The following NRXN3 variants were observed in gnomAD, a reference collection of about 807,000 sequenced individuals.
NRXN3 encodes the protein neurexin III.
Under a neutral mutation model 137.6 loss-of-function variants are expected in NRXN3, and 32 were observed. That is an observed-to-expected ratio of 0.23 (90% CI 0.18 to 0.31). The LOEUF is 0.31. Among genes scored for constraint, NRXN3 ranks in the 10% least tolerant of loss-of-function variants. The pLI is 1.00. For missense variants in NRXN3, 1,574 were observed against 2,062.5 expected, an observed-to-expected ratio of 0.76 and a Z score of 4.59; for synonymous variants, 798 against 784.5, an observed-to-expected ratio of 1.02 and a Z score of -0.29.
chr14:79,537,726 A>G (rs984214805), intron 16 of NRXN3, among the ~76,000 whole-genome samples: 1 of 152,134 alleles, frequency 6.6e-6, no homozygotes, highest in African/African-American at 2.4e-5. Flanking sequence ...AGTCTTTGCT[A>G]TTGTGAATAG....
chr14:79,545,050 G>T (rs2097306626), intron 16 of NRXN3, among the ~76,000 whole-genome samples: 1 of 152,192 alleles, frequency 6.6e-6, no homozygotes, highest in African/African-American at 2.4e-5. Context: ...AGGAGCTGTT[G>T]CTTATTTGAC....
At chr14:79,136,050 G>A (rs746916080) in intron 15 of NRXN3, among the ~76,000 whole-genome samples, 9 of 152,122 alleles carry the variant, frequency 5.9e-5, no homozygotes, top group Admixed American at 1.3e-4. Flanking sequence ...ACCAACTGCT[G>A]TCCAGAGTTA....
chr14:78,541,035 C>T (rs2096584366), intron 4 of NRXN3, among the ~76,000 whole-genome samples: 2 of 152,194 alleles, frequency 1.3e-5, no homozygotes, highest in South Asian at 4.2e-4. Flanking sequence ...GCTTTTCTCT[C>T]TGGCTACCCT....
At chr14:79,679,425 G>T (rs2098658040) in intron 17 of NRXN3, among the ~76,000 whole-genome samples, 1 of 152,154 alleles carries the variant, frequency 6.6e-6, no homozygotes, top group Non-Finnish European at 1.5e-5. Context: ...AAGAGGCATT[G>T]TTATTTTATG....
At chr14:79,291,075 T>C (rs1426933373) in intron 15 of NRXN3, among the ~76,000 whole-genome samples, 2 of 152,200 alleles carry the variant, frequency 1.3e-5, no homozygotes, top group African/African-American at 4.8e-5. Context: ...TTATTGTTTA[T>C]TTTTTCCAGG....
chr14:78,509,339 T>C (rs539443372), intron 4 of NRXN3, among the ~76,000 whole-genome samples: 1 of 152,232 alleles, frequency 6.6e-6, no homozygotes, highest in Admixed American at 6.5e-5. Context: ...CTCTGAGTTC[T>C]CATCTACTGG....
intron 4 of NRXN3, among the ~76,000 whole-genome samples, chr14:78,471,881 T>G (rs936920071): frequency 2.6e-5 from 4 of 152,224 alleles, no homozygotes; most frequent in African/African-American, 9.6e-5. Flanking sequence ...TGAACTGGGC[T>G]GCACCACAAA....
chr14:78,368,755 A>G (rs2086376905), intron 4 of NRXN3, among the ~76,000 whole-genome samples: 1 of 152,156 alleles, frequency 6.6e-6, no homozygotes, highest in African/African-American at 2.4e-5. Context: ...GCCACATGCT[A>G]TGGATTTAGA....
chr14:79,788,977 G>T lies in NRXN3; in HGVS notation c.4015-16135G>T, dbSNP rs181763763. The stretch of plus-strand genomic sequence containing the variant: ...ATAAAGTTATGAACTTAATACCCTT[G>T]TTCAGAGAATTGAAAACATTTAATA... On this transcript the variant is annotated intron_variant, in intron 19 of 20. Transcript: ENST00000335750. Among the ~76,000 whole-genome samples, 164 of 152,256 alleles carry T rather than the reference G, an allele frequency of 1.1e-3. 2 individuals are homozygous for T. The highest frequency in any genetic ancestry group is 1.7e-3 in the African/African-American group (71 of 41,538).
chr14:78,660,401 T>A (rs1170119815), intron 6 of NRXN3, among the ~76,000 whole-genome samples: 5 of 152,040 alleles, frequency 3.3e-5, no homozygotes, highest in African/African-American at 9.7e-5. Context: ...GAGCATGTGA[T>A]CCCTAAATCA....
intron 1 of NRXN3, among the ~76,000 whole-genome samples, chr14:78,184,325 T>G (rs1414865649): frequency 6.6e-6 from 1 of 152,244 alleles, no homozygotes; most frequent in Non-Finnish European, 1.5e-5. Flanking sequence ...CACATAAAGA[T>G]GCATCACGAA....
chr14:79,570,540 G>A (rs775018719), intron 16 of NRXN3: 1 of 152,194 alleles, frequency 6.6e-6, no homozygotes, highest in Non-Finnish European at 1.5e-5. Context: ...AATATGTGCG[G>A]AACAGACCCT....
In NRXN3 at chr14:79,038,266, A is replaced by G. The variant is rs531657617; in HGVS notation, c.3262+50125A>G. Reference sequence around the variant, plus strand: ...AGTCAACAAGCAGAGACCGAAAGGCATAAAAATGTGGAATGAAAAGATAGA... The same window carrying G: ...AGTCAACAAGCAGAGACCGAAAGGCGTAAAAATGTGGAATGAAAAGATAGA... On this transcript the variant is annotated intron_variant, in intron 15 of 20. Coordinates refer to ENST00000335750, the MANE Select transcript of NRXN3 (RefSeq NM_001330195.2). 4.6e-5 allele frequency among the ~76,000 whole-genome samples: 7 copies of G among 152,138 alleles called. No individual in the cohort carries two copies. The East Asian group carries it at 1.2e-3, about 25-fold the overall frequency.
chr14:78,192,291 C>T lies in NRXN3; in HGVS notation c.-704+21617C>T, dbSNP rs147324336. Among the ~76,000 whole-genome samples, 472 of 152,184 alleles carry T rather than the reference C, an allele frequency of 3.1e-3. 4 individuals are homozygous for T. Among genetic ancestry groups the T allele is most frequent in the African/African-American group, 0.011 (456 of 41,512 alleles). ...GATGCCTGTGGTGTCATTGTCACTC[C>T]TGAATTTTGAAACCTGTCTGGGAAG... On this transcript the variant is annotated intron_variant, in intron 1 of 20. Transcript: ENST00000335750.
intron 8 of NRXN3, among the ~76,000 whole-genome samples, chr14:78,747,307 T>C (rs1248200407): frequency 2.0e-5 from 3 of 152,222 alleles, no homozygotes; most frequent in Non-Finnish European, 2.9e-5. Flanking sequence ...ATTTACTTCT[T>C]ACGAAGATGA....
At chr14:78,845,720 T>A (rs2099024662) in intron 10 of NRXN3, among the ~76,000 whole-genome samples, 1 of 152,112 alleles carries the variant, frequency 6.6e-6, no homozygotes, top group Admixed American at 6.6e-5. Context: ...TTGAGAGTAT[T>A]CATTCTGCGT....
chr14:79,328,954 CCTT>C, intron 15 of NRXN3, among the ~76,000 whole-genome samples: 1 of 152,012 alleles, frequency 6.6e-6, no homozygotes, highest in South Asian at 2.1e-4. Context: ...CTTTTCTTTT[CCTT>C]CTTTGACATA....
intron 16 of NRXN3, among the ~76,000 whole-genome samples, chr14:79,632,875 A>G (rs1241198375): frequency 6.6e-6 from 1 of 152,148 alleles, no homozygotes; most frequent in African/African-American, 2.4e-5. Flanking sequence ...CCACAGGTTT[A>G]CTTTAACATA....
intron 19 of NRXN3, among the ~76,000 whole-genome samples, chr14:79,777,880 C>T (rs1308685270): frequency 6.6e-6 from 1 of 151,890 alleles, no homozygotes; most frequent in Non-Finnish European, 1.5e-5. Context: ...ATCTGTCCTC[C>T]CAGGAAACTT....
Sources: gnomAD v4.1 joint callset for allele counts (sites outside exome capture counted in the v4.1 genomes callset) on GRCh38, gnomAD v4.1.1 for gene constraint, MANE v1.5 for transcripts, NCBI Gene and HGNC (gene_info 2026-07-23, HGNC 2026-07-21) for gene names.